Variants in KRABD2 observed in about 807,000 individuals in gnomAD.
KRABD2 encodes KRAB domain containing 2.
At chr17:8,376,356 T>C in the KRABD2 span, 1 of 1,204,504 alleles carries the variant, frequency 8.3e-7, no homozygotes, top group South Asian at 4.3e-5. Flanking sequence ...CCCGGGGAGA[T>C]GACCAGTACC....
chr17:8,358,919 A>G, the KRABD2 span, among the ~76,000 whole-genome samples: 30 of 152,222 alleles, frequency 2.0e-4, no homozygotes, highest in Non-Finnish European at 4.0e-4. Context: ...TAACTTTGAT[A>G]CAATATTATA....
At chr17:8,376,284 C>T in the KRABD2 span, 3 of 1,228,208 alleles carry the variant, frequency 2.4e-6, no homozygotes, top group African/African-American at 4.7e-5. Context: ...AATTCATTTG[C>T]TGACTCTTAT....
chr17:8,366,831 C>A, the KRABD2 span, among the ~76,000 whole-genome samples: 2 of 152,142 alleles, frequency 1.3e-5, no homozygotes, highest in Non-Finnish European at 2.9e-5. Flanking sequence ...AAGGGATCTT[C>A]CTACCTCAGG....
At chr17:8,359,393 G>A in the KRABD2 span, 1 of 358,464 alleles carries the variant, frequency 2.8e-6, no homozygotes, top group South Asian at 2.1e-5. Context: ...TCTGCAAATG[G>A]TCCTTGGAAA....
the KRABD2 span, chr17:8,371,204 C>A: frequency 1.9e-6 from 2 of 1,068,090 alleles, no homozygotes; most frequent in Non-Finnish European, 2.8e-6. Context: ...GGAGTCTGTC[C>A]TTATCTTGGG....
the KRABD2 span, among the ~76,000 whole-genome samples, chr17:8,364,277 C>G: frequency 6.6e-6 from 1 of 152,170 alleles, no homozygotes; most frequent in Non-Finnish European, 1.5e-5. The surrounding 1 kb of genome is among the most constrained non-coding windows in gnomAD (Gnocchi z 4.4). Context: ...AATAATACAA[C>G]CCTTCCCACT....
the KRABD2 span, chr17:8,369,218 A>G: frequency 6.2e-7 from 1 of 1,614,210 alleles, no homozygotes; most frequent in Non-Finnish European, 8.5e-7. Flanking sequence ...CGTCCATATC[A>G]GATCTGTCTG....
chr17:8,376,460 G>A, the KRABD2 span: 16 of 1,024,498 alleles, frequency 1.6e-5, no homozygotes, highest in African/African-American at 6.8e-5. Context: ...GGGCACGCCC[G>A]CTTATTCCTG....
the KRABD2 span, chr17:8,375,582 C>T: frequency 6.6e-6 from 1 of 150,778 alleles, no homozygotes. Context: ...GTCACCCAGG[C>T]TAGAGTACAG....
chr17:8,373,228 G>A, the KRABD2 span, among the ~76,000 whole-genome samples: 1 of 152,060 alleles, frequency 6.6e-6, no homozygotes, highest in African/African-American at 2.4e-5. Context: ...ATGCCAAGCC[G>A]AGGCTGGACT....
the KRABD2 span, among the ~76,000 whole-genome samples, chr17:8,373,190 C>T: frequency 6.7e-6 from 1 of 149,626 alleles, no homozygotes; most frequent in Non-Finnish European, 1.5e-5. Flanking sequence ...CGGTCTCCCT[C>T]TCCCTCTCTC....
the KRABD2 span, chr17:8,369,464 G>A: frequency 6.2e-7 from 1 of 1,614,044 alleles, no homozygotes; most frequent in African/African-American, 1.3e-5. Flanking sequence ...CTTTGGCCCA[G>A]TGACATGAGT....
At chr17:8,367,781 C>T in the KRABD2 span, among the ~76,000 whole-genome samples, 1 of 151,748 alleles carries the variant, frequency 6.6e-6, no homozygotes, top group Non-Finnish European at 1.5e-5. Context: ...GGTGATGACT[C>T]TTAAGGAGCA....
the KRABD2 span, among the ~76,000 whole-genome samples, chr17:8,366,655 T>C: frequency 1.3e-5 from 2 of 152,200 alleles, no homozygotes; most frequent in Non-Finnish European, 2.9e-5. Context: ...CAGAGCCCAG[T>C]TGGTAAGGTG....
At chr17:8,369,949 T>G in the KRABD2 span, 2 of 1,614,188 alleles carry the variant, frequency 1.2e-6, no homozygotes, top group Non-Finnish European at 1.7e-6. Context: ...TTGGTGACAT[T>G]CCCATATTTT....
chr17:8,363,921 TGCA>T, the KRABD2 span, among the ~76,000 whole-genome samples: 1 of 148,712 alleles, frequency 6.7e-6, no homozygotes. Flanking sequence ...CAGGCTGGAG[TGCA>T]GTAGTGCGAT....
chr17:8,371,480 G>A, the KRABD2 span: 1 of 1,612,038 alleles, frequency 6.2e-7, no homozygotes. Context: ...GGGCTAAAGA[G>A]CAGCTTCAGC....
At chr17:8,359,327 C>T in the KRABD2 span, among the ~76,000 whole-genome samples, 2 of 152,268 alleles carry the variant, frequency 1.3e-5, no homozygotes, top group East Asian at 3.9e-4. Flanking sequence ...TTATATTTCT[C>T]CCTGCAAGAA....
chr17:8,359,612 CA>C, the KRABD2 span: 2 of 455,844 alleles, frequency 4.4e-6, no homozygotes, highest in African/African-American at 4.0e-5. Context: ...AGAGCTGGTC[CA>C]GGAAAAGCCC....
Sources: gnomAD v4.1 joint callset for allele counts (sites outside exome capture counted in the v4.1 genomes callset) on GRCh38, gnomAD v4.1.1 for gene constraint, Gnocchi (gnomAD v3.1) non-coding constraint, MANE v1.5 for transcripts, NCBI Gene and HGNC (gene_info 2026-07-23, HGNC 2026-07-21) for gene names.